Variants in CD2AP observed in about 807,000 individuals in gnomAD.
CD2AP encodes the protein CD2 associated protein.
A neutral mutation model predicts 85.1 loss-of-function variants in CD2AP; 46 were observed. The observed-to-expected ratio is 0.54, with a 90% confidence interval of 0.43 to 0.69. The LOEUF (loss-of-function observed/expected upper bound fraction) is 0.69. CD2AP is among the 30% of genes least tolerant of loss of function. CD2AP has a pLI of 0.00. For synonymous variants in CD2AP, 255 were observed against 252.9 expected, an observed-to-expected ratio of 1.01 and a Z score of -0.08; for missense variants, 769 against 729.5, an observed-to-expected ratio of 1.05 and a Z score of -0.62.
intron 2 of CD2AP, among the ~76,000 whole-genome samples, chr6:47,517,227 G>T (rs954206678): frequency 6.6e-6 from 1 of 151,936 alleles, no homozygotes; most frequent in Admixed American, 6.6e-5. Context: ...CCCTCACCAG[G>T]AAGAGATGCT....
At chr6:47,485,171 T>C (rs1246260965) in intron 1 of CD2AP, among the ~76,000 whole-genome samples, 4 of 152,222 alleles carry the variant, frequency 2.6e-5, no homozygotes, top group Non-Finnish European at 5.9e-5. Flanking sequence ...ACAGAGTACA[T>C]CTTCTACTTA....
chr6:47,571,105 A>C (rs1768139757), intron 5 of CD2AP, among the ~76,000 whole-genome samples: 1 of 152,098 alleles, frequency 6.6e-6, no homozygotes, highest in African/African-American at 2.4e-5. Flanking sequence ...AGTTGTCTTT[A>C]TCAATATATG....
chr6:47,579,129 G>A (rs1768393075), intron 8 of CD2AP, among the ~76,000 whole-genome samples: 1 of 152,188 alleles, frequency 6.6e-6, no homozygotes, highest in South Asian at 2.1e-4. Flanking sequence ...GCCAGGCACA[G>A]TGGCTCATGC....
intron 14 of CD2AP, among the ~76,000 whole-genome samples, chr6:47,607,137 C>CTAGTTCCATCCATGT (rs775922130): frequency 0.091 from 13,880 of 152,038 alleles, 1,914 homozygotes; most frequent in East Asian, 0.6. Flanking sequence ...GACAGGATCT[C>CTAGTTCCATCCATGT]ATTCTTTTTT....
chr6:47,561,044 A>G (rs777333648), intron 5 of CD2AP, among the ~76,000 whole-genome samples: 8 of 152,134 alleles, frequency 5.3e-5, no homozygotes, highest in African/African-American at 1.2e-4. Context: ...GTATCAGTCT[A>G]TTACCAGTAT....
In CD2AP at chr6:47,477,947, AGGGTGGGAAAACCGCGGTCGGGCGGGCG is replaced by A. The variant is rs1160751829; in HGVS notation, c.-293_-266del. On this transcript the variant is annotated 5_prime_UTR_variant, in exon 1 of 18. Transcript: ENST00000359314. ...GTCCCTCCCCACTGCGGGAGCGGCC[AGGGTGGGAAAACCGCGGTCGGGCGGGCG>A]GGGTAGGGCCCTCCCGCCGCCGTGG... is the stretch of plus-strand genomic sequence containing the variant. The A allele has an allele frequency of 2.0e-6, 1 of 493,706 alleles. No individual in the cohort carries two copies. The highest frequency in any genetic ancestry group is 2.2e-5 in the African/African-American group (1 of 46,124). The allele number at this position is 493,706 out of a possible 1,614,324, so 30.6% of individuals were successfully genotyped here.
chr6:47,589,433 CACAT>C (rs1005244112), intron 11 of CD2AP, among the ~76,000 whole-genome samples: 9 of 145,020 alleles, frequency 6.2e-5, no homozygotes, highest in East Asian at 2.0e-4. Flanking sequence ...CAAATATACA[CACAT>C]ACACACACAC....
chr6:47,499,785 G>T (rs1445250679), intron 1 of CD2AP, among the ~76,000 whole-genome samples: 1 of 152,170 alleles, frequency 6.6e-6, no homozygotes, highest in African/African-American at 2.4e-5. Flanking sequence ...CTCTGTCGCA[G>T]TGGCACGACC....
intron 11 of CD2AP, among the ~76,000 whole-genome samples, chr6:47,583,083 C>T (rs367678436): frequency 2.7e-4 from 41 of 152,148 alleles, no homozygotes; most frequent in African/African-American, 9.9e-4. Flanking sequence ...GTGCCTGGGC[C>T]AGTATCATTT....
chr6:47,569,769 T>C (rs1027462377), intron 5 of CD2AP, among the ~76,000 whole-genome samples: 1 of 152,104 alleles, frequency 6.6e-6, no homozygotes. Context: ...AGATAGAAAT[T>C]TGTTAGTCTG....
chr6:47,490,499 A>G (rs1765707308), intron 1 of CD2AP, among the ~76,000 whole-genome samples: 1 of 152,108 alleles, frequency 6.6e-6, no homozygotes, highest in Non-Finnish European at 1.5e-5. Context: ...ATAATATTTA[A>G]TTGAATTTTC....
chr6:47,602,847 C>T (rs1455239357), intron 13 of CD2AP, among the ~76,000 whole-genome samples: 2 of 151,832 alleles, frequency 1.3e-5, no homozygotes, highest in African/African-American at 2.4e-5. Context: ...TTGTAGTGAG[C>T]CTTGATCATG....
chr6:47,488,723 C>A (rs1335155763), intron 1 of CD2AP, among the ~76,000 whole-genome samples: 85 of 133,652 alleles, frequency 6.4e-4, no homozygotes, highest in Middle Eastern at 3.9e-3. Flanking sequence ...TCCATCTCTC[C>A]AAAAAAAAAA....
At chr6:47,568,170 T>C (rs548458936) in intron 5 of CD2AP, among the ~76,000 whole-genome samples, 1 of 152,284 alleles carries the variant, frequency 6.6e-6, no homozygotes, top group East Asian at 1.9e-4. Context: ...AGAGATAGGA[T>C]ATTGGGAGAT....
At chr6:47,590,618 G>A (rs758874272) in intron 11 of CD2AP, among the ~76,000 whole-genome samples, 26 of 152,204 alleles carry the variant, frequency 1.7e-4, no homozygotes, top group Non-Finnish European at 3.1e-4. Context: ...ACGTTCCACA[G>A]TGCTCACCAT....
At chr6:47,574,043 A>G in intron 5 of CD2AP, 21 bp from the exon 6 acceptor site, 1 of 1,609,498 alleles carries the variant, frequency 6.2e-7, no homozygotes, top group East Asian at 2.2e-5. Flanking sequence ...GTCATTCTTC[A>G]AAAACAAATT....
intron 11 of CD2AP, among the ~76,000 whole-genome samples, chr6:47,589,565 CATAT>C (rs1554182282): frequency 8.3e-6 from 1 of 120,942 alleles, no homozygotes. Flanking sequence ...CACACACACA[CATAT>C]ATATATATAT....
At chr6:47,583,450 A>G (rs751344316) in intron 11 of CD2AP, among the ~76,000 whole-genome samples, 4 of 152,074 alleles carry the variant, frequency 2.6e-5, no homozygotes, top group Admixed American at 1.3e-4. Flanking sequence ...ACCCTTGTCA[A>G]CCATTAATTT....
chr6:47,488,760 A>G (rs956870957), intron 1 of CD2AP, among the ~76,000 whole-genome samples: 3 of 150,076 alleles, frequency 2.0e-5, no homozygotes, highest in Non-Finnish European at 4.4e-5. Flanking sequence ...GTGTGGTGGC[A>G]TACCCCTGTA....
Sources: gnomAD v4.1 joint callset for allele counts (sites outside exome capture counted in the v4.1 genomes callset) on GRCh38, gnomAD v4.1.1 for gene constraint, MANE v1.5 for transcripts, NCBI Gene and HGNC (gene_info 2026-07-23, HGNC 2026-07-21) for gene names.